Variants in ATG7 observed in about 807,000 individuals in gnomAD.
The protein encoded by ATG7 is ubiquitin-like modifier-activating enzyme ATG7.
Under a neutral mutation model 82.4 loss-of-function variants are expected in ATG7, and 70 were observed. The ratio of observed to expected loss-of-function variants is 0.85; its 90% CI spans 0.70 to 1.04. The LOEUF (loss-of-function observed/expected upper bound fraction) is 1.04. Ranked by LOEUF, ATG7 falls within the 50% of genes least tolerant of loss-of-function variation. The probability of loss-of-function intolerance (pLI) is 0.00; values close to 1 mark genes in which losing one functional copy is unlikely to be tolerated. For missense variants in ATG7, 792 were observed against 864.3 expected (o/e 0.92, Z 1.05); for synonymous variants, 287 against 313.0 (o/e 0.92, Z 0.88).
At chr3:11,368,821 C>A (rs376893228) in intron 18 of ATG7, among the ~76,000 whole-genome samples, 1 of 150,344 alleles carries the variant, frequency 6.7e-6, no homozygotes, top group East Asian at 1.9e-4. Flanking sequence ...CTGCTTTATC[C>A]CACTTGTGGA....
At chr3:11,487,409 G>A (rs1429064617) in intron 20 of ATG7, among the ~76,000 whole-genome samples, 4 of 56,514 alleles carry the variant, frequency 7.1e-5, no homozygotes, top group Admixed American at 5.4e-4. Context: ...CAGTAGGGGC[G>A]GCCGGGCAGA....
At position 11,313,389 on chromosome 3, in the gene ATG7, T is replaced by C. The variant is rs760759434; in HGVS notation, c.497T>C (p.Val166Ala). 6.2e-7 allele frequency: 1 copy of C among 1,612,556 alleles called. No individual in the cohort carries two copies. The highest frequency in any genetic ancestry group is 1.1e-5 in the South Asian group (1 of 90,820). The change falls in exon 8 of 21, where the codon GTG becomes GCG. Residue 166 changes from valine to alanine, a missense_variant. By Grantham distance (64) the Val-to-Ala change is moderately conservative (BLOSUM62 0). Coordinates refer to ENST00000693202, the MANE Select transcript of ATG7 (RefSeq NM_001349232.2). The part of the protein sequence containing the change: ...PESLPLIQGP[V>A]GLDQRFSLKQ... The stretch of plus-strand genomic sequence containing the variant: ...AGTTTACCTCTCATTCAGGGGCCAG[T>C]GGGTTTGGATCAAAGGTTTTCACTA...
At chr3:11,535,331 A>T (rs1028440860) in intron 20 of ATG7, among the ~76,000 whole-genome samples, 1 of 152,198 alleles carries the variant, frequency 6.6e-6, no homozygotes, top group Non-Finnish European at 1.5e-5. Context: ...GGGAAAGGCC[A>T]TCTCGTGTTA....
intron 9 of ATG7, among the ~76,000 whole-genome samples, chr3:11,324,960 G>T (rs969419851): frequency 6.6e-6 from 1 of 152,112 alleles, no homozygotes; most frequent in African/African-American, 2.4e-5. Flanking sequence ...ATACGGCAGT[G>T]GTTCCATAAG....
chr3:11,368,959 A>G (rs1459364012), intron 18 of ATG7, among the ~76,000 whole-genome samples: 1 of 150,904 alleles, frequency 6.6e-6, no homozygotes, highest in East Asian at 1.9e-4. Context: ...GGGTTTTCTC[A>G]GCTTCATGAA....
intron 5 of ATG7, among the ~76,000 whole-genome samples, chr3:11,300,611 T>C (rs1395248136): frequency 1.3e-5 from 2 of 152,140 alleles, no homozygotes; most frequent in East Asian, 3.9e-4. Flanking sequence ...CAGACTAGAT[T>C]TGGGAGACAT....
At chr3:11,481,142 A>C (rs1364201789) in intron 20 of ATG7, among the ~76,000 whole-genome samples, 1 of 152,228 alleles carries the variant, frequency 6.6e-6, no homozygotes, top group African/African-American at 2.4e-5. Context: ...TGTGCAGAGC[A>C]CTGTGTAAGC....
intron 20 of ATG7, among the ~76,000 whole-genome samples, chr3:11,547,081 C>T (rs1372407508): frequency 3.9e-5 from 6 of 152,196 alleles, no homozygotes; most frequent in South Asian, 2.1e-4. Flanking sequence ...TGTGCATTTG[C>T]GTGACAGGCG....
chr3:11,442,879 C>T (rs963311954), intron 20 of ATG7, among the ~76,000 whole-genome samples: 1 of 151,766 alleles, frequency 6.6e-6, no homozygotes, highest in Non-Finnish European at 1.5e-5. Flanking sequence ...TAAGATTGTG[C>T]CACTTCACTC....
intron 11 of ATG7, among the ~76,000 whole-genome samples, chr3:11,335,092 G>A (rs2152761268): frequency 6.6e-6 from 1 of 152,006 alleles, no homozygotes; most frequent in Non-Finnish European, 1.5e-5. Context: ...ACAATTCGCT[G>A]AAAGATTGAC....
chr3:11,336,749 T>C (rs572044998), intron 11 of ATG7, among the ~76,000 whole-genome samples: 39 of 152,296 alleles, frequency 2.6e-4, no homozygotes, highest in African/African-American at 8.9e-4. Context: ...CATAGCTCAC[T>C]GCAGCCTTGA....
At chr3:11,432,609 A>T (rs2083000063) in intron 20 of ATG7, among the ~76,000 whole-genome samples, 1 of 152,240 alleles carries the variant, frequency 6.6e-6, no homozygotes, top group South Asian at 2.1e-4. Context: ...GAACTTATCT[A>T]CATAACCAAA....
chr3:11,351,953 C>T (rs924079299), intron 14 of ATG7, among the ~76,000 whole-genome samples: 8 of 151,182 alleles, frequency 5.3e-5, no homozygotes, highest in African/African-American at 1.7e-4. Flanking sequence ...CTGCACCCAT[C>T]AACTCATCAT....
intron 20 of ATG7, among the ~76,000 whole-genome samples, chr3:11,466,349 A>G (rs2086825336): frequency 2.0e-5 from 3 of 152,246 alleles, no homozygotes; most frequent in Admixed American, 2.0e-4. Context: ...AGCAAATTCT[A>G]GAATGCTTAG....
At chr3:11,489,896 A>G (rs1328344997) in intron 20 of ATG7, among the ~76,000 whole-genome samples, 1 of 151,896 alleles carries the variant, frequency 6.6e-6, no homozygotes, top group Non-Finnish European at 1.5e-5. Flanking sequence ...TTTACTTCCA[A>G]GTATGTGGTC....
At chr3:11,307,774 C>A (rs1273508615) in intron 6 of ATG7, among the ~76,000 whole-genome samples, 1 of 152,214 alleles carries the variant, frequency 6.6e-6, no homozygotes, top group Non-Finnish European at 1.5e-5. Flanking sequence ...CCGCTGTAAT[C>A]AAGGAGTCTT....
intron 20 of ATG7, among the ~76,000 whole-genome samples, chr3:11,443,811 T>TCA (rs2084237768): frequency 6.6e-6 from 1 of 152,204 alleles, no homozygotes; most frequent in Non-Finnish European, 1.5e-5. Flanking sequence ...TTCTCTTATA[T>TCA]TTTAATATTT....
chr3:11,294,563 T>A (rs1442262278), intron 3 of ATG7, among the ~76,000 whole-genome samples: 1 of 152,160 alleles, frequency 6.6e-6, no homozygotes, highest in East Asian at 1.9e-4. Flanking sequence ...TAAAAATTCT[T>A]TCAAACAATT....
At chr3:11,468,044 T>C (rs2087017571) in intron 20 of ATG7, among the ~76,000 whole-genome samples, 1 of 152,222 alleles carries the variant, frequency 6.6e-6, no homozygotes, top group African/African-American at 2.4e-5. Flanking sequence ...AGATGCTTAC[T>C]CAGCCTTTGA....
Sources: gnomAD v4.1 joint callset for allele counts (sites outside exome capture counted in the v4.1 genomes callset) on GRCh38, gnomAD v4.1.1 for gene constraint, MANE v1.5 for transcripts, NCBI Gene and HGNC (gene_info 2026-07-23, HGNC 2026-07-21) for gene names.